The following COL6A5 variants were observed in gnomAD, a reference collection of about 807,000 sequenced individuals.
COL6A5 encodes the protein collagen type VI alpha 5 chain.
COL6A5 carries 48 observed loss-of-function variants against 65.6 expected under a neutral mutation model. The observed-to-expected ratio is 0.73, with a 90% CI of 0.58 to 0.93. COL6A5 has a LOEUF of 0.93. COL6A5 is among the 40% of genes least tolerant of loss of function. COL6A5 has a pLI of 0.00. For missense variants in COL6A5, 914 were observed against 928.3 expected, an observed-to-expected ratio of 0.98 and a Z score of 0.20; for synonymous variants, 291 against 322.8, an observed-to-expected ratio of 0.90 and a Z score of 1.05.
upstream of COL6A5, chr3:130,426,469 G>A: frequency 2.1e-6 from 3 of 1,457,820 alleles, no homozygotes; most frequent in Admixed American, 3.9e-5. Context: ...ACTGTATGCA[G>A]TGTGGGTATG....
At chr3:130,400,133 G>A (rs1936768753) in intron 10 of COL6A5, among the ~76,000 whole-genome samples, 1 of 152,016 alleles carries the variant, frequency 6.6e-6, no homozygotes, top group African/African-American at 2.4e-5. Context: ...ACCTCCCCGG[G>A]TACTCTCTCC....
At chr3:130,455,965 G>A (rs547247340) in intron 5 of COL6A5, among the ~76,000 whole-genome samples, 7 of 152,192 alleles carry the variant, frequency 4.6e-5, no homozygotes, top group African/African-American at 1.4e-4. Flanking sequence ...GCAGTATAGT[G>A]AACATCAGAA....
At chr3:130,441,364 A>C (rs1709176450) in intron 3 of COL6A5, among the ~76,000 whole-genome samples, 1 of 152,174 alleles carries the variant, frequency 6.6e-6, no homozygotes, top group Admixed American at 6.5e-5. Context: ...CTGCTGGTTC[A>C]TGGATCACAT....
intron 1 of COL6A5, among the ~76,000 whole-genome samples, chr3:130,362,289 CAT>C (rs1184871633): frequency 0.016 from 201 of 12,506 alleles, 4 homozygotes; most frequent in African/African-American, 0.041. Flanking sequence ...TGTCTTTCTC[CAT>C]ATATATATAT....
chr3:130,469,652 A>T (rs551819629), intron 6 of COL6A5, among the ~76,000 whole-genome samples, 171 bp downstream of exon 38: 87 of 152,174 alleles, frequency 5.7e-4, no homozygotes, highest in Admixed American at 1.5e-3. Context: ...TTTGACCATG[A>T]GCCTTGCTGC....
intron 18 of COL6A5, among the ~76,000 whole-genome samples, chr3:130,409,767 A>G (rs1577480192): frequency 6.6e-6 from 1 of 152,214 alleles, no homozygotes; most frequent in African/African-American, 2.4e-5. Context: ...GCCATCATAG[A>G]AAAGGGAAAA....
chr3:130,416,421 GTCT>G (rs150526366), intron 23 of COL6A5, among the ~76,000 whole-genome samples: 2 of 152,214 alleles, frequency 1.3e-5, no homozygotes, highest in East Asian at 3.9e-4. Context: ...GTGGCAAAGT[GTCT>G]TCTTCTAAAA....
chr3:130,429,550 T>A, upstream of COL6A5: 1 of 1,544,366 alleles, frequency 6.5e-7, no homozygotes, highest in Non-Finnish European at 8.7e-7. Flanking sequence ...GGTAACAAAC[T>A]TTTCCCTCTC....
At chr3:130,451,999 AG>A (rs904606615) in intron 4 of COL6A5, among the ~76,000 whole-genome samples, 9 of 152,180 alleles carry the variant, frequency 5.9e-5, no homozygotes, top group Admixed American at 2.0e-4. Context: ...TCTACATCTA[AG>A]GTTCCTTTTT....
intron 6 of COL6A5, among the ~76,000 whole-genome samples, chr3:130,389,444 A>G (rs2107651412): frequency 6.6e-6 from 1 of 152,070 alleles, no homozygotes; most frequent in East Asian, 1.9e-4. Context: ...CCAGTTTTTA[A>G]TCCCAAATGA....
At chr3:130,362,944 C>A (rs1167689774) in intron 1 of COL6A5, among the ~76,000 whole-genome samples, 4 of 152,178 alleles carry the variant, frequency 2.6e-5, no homozygotes, top group African/African-American at 9.6e-5. Context: ...TTGAAGAGAA[C>A]ATATATTCAA....
At chr3:130,388,325 A>G (rs1476492082) in intron 5 of COL6A5, among the ~76,000 whole-genome samples, 1 of 150,416 alleles carries the variant, frequency 6.6e-6, no homozygotes, top group African/African-American at 2.5e-5. Context: ...TGAATGAAAG[A>G]AATATGAATA....
At chr3:130,402,188 C>A (rs1936839384) in intron 12 of COL6A5, among the ~76,000 whole-genome samples, 1 of 152,100 alleles carries the variant, frequency 6.6e-6, no homozygotes, top group African/African-American at 2.4e-5. Context: ...CACCTGTAAT[C>A]CCAGCTACTT....
At chr3:130,437,338 T>C (rs1323589667) in intron 1 of COL6A5, among the ~76,000 whole-genome samples, 1 of 152,090 alleles carries the variant, frequency 6.6e-6, no homozygotes, top group Non-Finnish European at 1.5e-5. Context: ...TTATAAAAAA[T>C]ATATATCCAG....
At chr3:130,426,130 T>C in intron 29 of COL6A5, 84 bp from the exon 30 acceptor site, 1 of 1,329,194 alleles carries the variant, frequency 7.5e-7, no homozygotes, top group Non-Finnish European at 1.0e-6. Flanking sequence ...GAAAGAAAGT[T>C]TTTTGTTTTG....
intron 5 of COL6A5, among the ~76,000 whole-genome samples, chr3:130,462,499 A>G (rs1709724452): frequency 6.6e-6 from 1 of 152,120 alleles, no homozygotes; most frequent in African/African-American, 2.4e-5. Flanking sequence ...CTTTCTAAAA[A>G]TTATATTTGT....
At chr3:130,401,319 A>G (rs1936809978) in intron 11 of COL6A5, 146 bp downstream of exon 11, 13 of 684,292 alleles carry the variant, frequency 1.9e-5, no homozygotes, top group East Asian at 5.7e-5. Flanking sequence ...GTGGAAGACC[A>G]TAGCATAGTA....
chr3:130,424,550 C>A (rs544716228), intron 29 of COL6A5, among the ~76,000 whole-genome samples: 89 of 151,890 alleles, frequency 5.9e-4, no homozygotes, highest in Non-Finnish European at 8.7e-4. Flanking sequence ...TGGTGGAGAC[C>A]CAGGCAGCAT....
At chr3:130,427,451 G>A (rs192600250), upstream of COL6A5, among the ~76,000 whole-genome samples, 514 of 152,288 alleles carry the variant, frequency 3.4e-3, 2 homozygotes, top group South Asian at 9.1e-3. Context: ...TAGAATAACC[G>A]TCAGGCTAGC....
Sources: gnomAD v4.1 joint callset for allele counts (sites outside exome capture counted in the v4.1 genomes callset) on GRCh38, gnomAD v4.1.1 for gene constraint, MANE v1.5 for transcripts, NCBI Gene and HGNC (gene_info 2026-07-23, HGNC 2026-07-21) for gene names.